The following INPP5D variants were observed in gnomAD, a reference collection of about 807,000 sequenced individuals.
The protein encoded by INPP5D is inositol polyphosphate-5-phosphatase D.
INPP5D carries 33 observed loss-of-function variants against 122.9 expected under a neutral mutation model. The ratio of observed to expected loss-of-function variants is 0.27; its 90% confidence interval spans 0.20 to 0.36. The LOEUF is 0.36. INPP5D is among the 10% of genes least tolerant of loss of function. The pLI is 1.00. For synonymous variants in INPP5D, 584 were observed against 576.2 expected (o/e 1.01, Z -0.19); for missense variants, 1,053 against 1,412.7 (o/e 0.75, Z 4.08).
In INPP5D at chr2:233,189,861, T is replaced by G; in HGVS notation, c.2370T>G (p.Ile790Met). 6.8e-6 allele frequency: 11 copies of G among 1,613,350 alleles called. No homozygotes were observed. Among genetic ancestry groups the G allele is most frequent in the Non-Finnish European group, 9.3e-6 (11 of 1,179,556 alleles). Residue 790 changes from isoleucine to methionine, a missense_variant, in exon 22 of 27, where the codon ATT becomes ATG. Coordinates refer to ENST00000445964, the MANE Select transcript of INPP5D (RefSeq NM_001017915.3). This position sits in a 1 kb window ranked among gnomAD's most constrained non-coding sequence, Gnocchi z 5.6. ...CCTTCTCTCTGCAGCTGAAGCCCAT[T>G]ATCTCTGACCCTGAGTACCTGCTAG... The part of the protein sequence containing the change: ...FGETLPKLKP[I>M]ISDPEYLLDQ...
intron 9 of INPP5D, among the ~76,000 whole-genome samples, chr2:233,148,366 G>C (rs554622287): frequency 1.3e-5 from 2 of 152,368 alleles, no homozygotes; most frequent in African/African-American, 4.8e-5. Flanking sequence ...TAACTGGCAA[G>C]AGGGGATAGT....
At chr2:233,153,212 C>T (rs1002771057) in intron 9 of INPP5D, among the ~76,000 whole-genome samples, 2 of 152,186 alleles carry the variant, frequency 1.3e-5, no homozygotes, top group African/African-American at 4.8e-5. Context: ...ACCGCACAGT[C>T]CTGCGAACAG....
rs1192261924 is a variant in INPP5D at position 233,183,502 on chromosome 2, C to A, written c.2162-906C>A. Among the ~76,000 whole-genome samples the A allele has an allele frequency of 1.3e-5, 2 of 152,180 alleles. No individual in the cohort carries two copies. The highest frequency in any genetic ancestry group is 2.9e-5 in the Non-Finnish European group (2 of 68,018). On this transcript the variant is annotated intron_variant, in intron 19 of 26. Transcript: ENST00000445964. This position sits in a 1 kb window ranked among gnomAD's most constrained non-coding sequence, Gnocchi z 4.6. ...GCCACTGTGCCTTTCTAGAATCTTC[C>A]TAGTCCTTAGGCAGGACCTCTTCCC...
chr2:233,185,115 G>A lies in INPP5D; in HGVS notation c.2275+594G>A, dbSNP rs1024556913. On this transcript the variant is annotated intron_variant, in intron 20 of 26. Coordinates refer to ENST00000445964, the MANE Select transcript of INPP5D (RefSeq NM_001017915.3). Reference sequence around the variant, plus strand: ...AAAGCTGTTTCATGGCTAGGGAAGAGCTGCGTGTGTCCAGCCGTCTTCGCT... The same window carrying A: ...AAAGCTGTTTCATGGCTAGGGAAGAACTGCGTGTGTCCAGCCGTCTTCGCT... Among the ~76,000 whole-genome samples the A allele has an allele frequency of 5.3e-5, 8 of 152,184 alleles. No homozygotes were observed. The South Asian group carries it at 1.2e-3, about 24-fold the overall frequency.
chr2:233,091,149 G>A (rs528460135), intron 2 of INPP5D, among the ~76,000 whole-genome samples: 25 of 152,040 alleles, frequency 1.6e-4, no homozygotes, highest in African/African-American at 3.4e-4. Context: ...TTGGGACTCC[G>A]TCCCTCAGGT....
chr2:233,060,725 C>G, intron 1 of INPP5D, 113 bp downstream of exon 1: 7 of 1,356,476 alleles, frequency 5.2e-6, no homozygotes, highest in Non-Finnish European at 7.2e-6. Context: ...CTGACATGCA[C>G]ACTTCCCCGC....
chr2:233,103,145 T>C (rs1042965290), intron 2 of INPP5D, among the ~76,000 whole-genome samples: 6 of 152,230 alleles, frequency 3.9e-5, no homozygotes, highest in Admixed American at 6.5e-5. Flanking sequence ...CTCTTGCTTC[T>C]GGCTGCTGCA....
chr2:233,125,135 AC>A (rs1393111276), intron 3 of INPP5D, among the ~76,000 whole-genome samples: 2 of 152,176 alleles, frequency 1.3e-5, no homozygotes, highest in African/African-American at 2.4e-5. Context: ...GTGGGCTCCC[AC>A]CTCCCAGGCC....
rs1694482022 is a variant in INPP5D, at chr2:233,170,999, AG to A, written c.1901-62del. The A allele has an allele frequency of 6.3e-7, 1 of 1,584,220 alleles. No individual in the cohort carries two copies. Among genetic ancestry groups the A allele is most frequent in the Admixed American group, 1.8e-5 (1 of 55,224 alleles). ...TCCCCTGATTTCCTACCAGAAGAAT[AG>A]GGAAAATTGGCCAGATGCAAAACCT... On this transcript the variant is annotated intron_variant, in intron 16 of 26. Transcript: ENST00000445964. This position sits in a 1 kb window ranked among gnomAD's most constrained non-coding sequence, Gnocchi z 4.5.
At chr2:233,161,487 G>A (rs1694197219) in intron 10 of INPP5D, among the ~76,000 whole-genome samples, 1 of 152,116 alleles carries the variant, frequency 6.6e-6, no homozygotes, top group Non-Finnish European at 1.5e-5. Context: ...GCCGTGACAG[G>A]GTTGGACTTC....
intron 25 of INPP5D, among the ~76,000 whole-genome samples, chr2:233,198,856 A>G (rs747938386): frequency 3.9e-5 from 6 of 152,002 alleles, no homozygotes; most frequent in Non-Finnish European, 8.8e-5. Context: ...AGGCTGAGGC[A>G]GGAGAATTGC....
At chr2:233,133,956 A>G (rs2106267146) in intron 5 of INPP5D, 1 of 456,282 alleles carries the variant, frequency 2.2e-6, no homozygotes. Flanking sequence ...GATATTAGGT[A>G]AATGACCCAA....
At chr2:233,091,734 G>T (rs911597287) in intron 2 of INPP5D, among the ~76,000 whole-genome samples, 6 of 152,220 alleles carry the variant, frequency 3.9e-5, no homozygotes, top group Admixed American at 1.3e-4. Flanking sequence ...ACAGCCACAG[G>T]TTCCAGGGAT....
intron 2 of INPP5D, among the ~76,000 whole-genome samples, chr2:233,103,024 T>G (rs1467032765): frequency 6.6e-6 from 1 of 152,210 alleles, no homozygotes; most frequent in African/African-American, 2.4e-5. Flanking sequence ...CAAAACACTA[T>G]TGTTGTCTTG....
At chr2:233,161,918 C>T in intron 11 of INPP5D, 92 bp downstream of exon 11, 2 of 1,496,152 alleles carry the variant, frequency 1.3e-6, no homozygotes, top group Non-Finnish European at 1.8e-6. Flanking sequence ...TGACGACATC[C>T]ATGTCCCCTT....
rs1205183143 is a variant in INPP5D, at chr2:233,189,456, G to A, written c.2359-394G>A. Among the ~76,000 whole-genome samples the A allele has an allele frequency of 6.6e-6, 1 of 152,184 alleles. No individual in the cohort carries two copies. The highest frequency in any genetic ancestry group is 2.4e-5 in the African/African-American group (1 of 41,448). ...GGGGGAGCCTGGCGCAGGGTGGAGT[G>A]CATGGATCATTCCAGACCTGGTGCC... is the stretch of plus-strand genomic sequence containing the variant. On this transcript the variant is annotated intron_variant, in intron 21 of 26. Coordinates refer to ENST00000445964, the MANE Select transcript of INPP5D (RefSeq NM_001017915.3). The surrounding 1 kb of genome is among the most constrained non-coding windows in gnomAD (Gnocchi z 5.6).
intron 1 of INPP5D, among the ~76,000 whole-genome samples, chr2:233,075,149 C>A (rs1388807700): frequency 6.6e-6 from 1 of 152,170 alleles, no homozygotes; most frequent in African/African-American, 2.4e-5. Flanking sequence ...CTGTGGGAGT[C>A]ACATGGGAAA....
At position 233,164,574 on chromosome 2, in the gene INPP5D, GA is replaced by G; in HGVS notation, c.1555+151del. 8.0e-7 allele frequency: 1 copy of G among 1,248,066 alleles called. No individual in the cohort carries two copies. Among genetic ancestry groups the G allele is most frequent in the Non-Finnish European group, 1.0e-6 (1 of 957,198 alleles). The allele number at this position is 1,248,066 out of a possible 1,614,324, so 77.3% of individuals were successfully genotyped here. ...GGCTCAGTCCTCAGCAAATAGGGGT[GA>G]TTGGTCTCCCTGGCTGAAACTCACT... On this transcript the variant is annotated intron_variant, in intron 13 of 26. Coordinates refer to ENST00000445964, the MANE Select transcript of INPP5D (RefSeq NM_001017915.3). The surrounding 1 kb of genome is among the most constrained non-coding windows in gnomAD (Gnocchi z 4.3).
intron 9 of INPP5D, among the ~76,000 whole-genome samples, chr2:233,151,307 TA>T (rs1693917566): frequency 8.7e-6 from 1 of 114,590 alleles, no homozygotes; most frequent in African/African-American, 3.7e-5. Context: ...ACTCCATCTC[TA>T]AAAATTAATA....
Sources: gnomAD v4.1 joint callset for allele counts (sites outside exome capture counted in the v4.1 genomes callset) on GRCh38, gnomAD v4.1.1 for gene constraint, Gnocchi (gnomAD v3.1) non-coding constraint, MANE v1.5 for transcripts, NCBI Gene and HGNC (gene_info 2026-07-23, HGNC 2026-07-21) for gene names.